Variants in DOCK1 observed in about 807,000 individuals in gnomAD.
The protein encoded by DOCK1 is dedicator of cytokinesis 1.
DOCK1 carries 138 observed loss-of-function variants against 262.7 expected under a neutral mutation model. That is an observed-to-expected ratio of 0.53 (90% CI 0.46 to 0.61). The LOEUF (loss-of-function observed/expected upper bound fraction) is 0.61, where lower values mean the gene tolerates loss of function less well. Ranked by LOEUF, DOCK1 falls within the 20% of genes least tolerant of loss-of-function variation. The probability of loss-of-function intolerance (pLI) is 0.00; values close to 1 mark genes in which losing one functional copy is unlikely to be tolerated. For synonymous variants in DOCK1, 866 were observed against 867.4 expected, an observed-to-expected ratio of 1.00 and a Z score of 0.03; for missense variants, 1,908 against 2,370.7, an observed-to-expected ratio of 0.80 and a Z score of 4.05.
chr10:126,981,694 C>T (rs10741150), intron 3 of DOCK1, among the ~76,000 whole-genome samples: 61,104 of 152,066 alleles, frequency 0.4, 12,692 homozygotes, highest in East Asian at 0.56. Context: ...TTTTCCTTTG[C>T]AAGTGTGTTG....
chr10:127,390,171 C>A (rs1055678577), intron 38 of DOCK1, among the ~76,000 whole-genome samples: 4 of 152,086 alleles, frequency 2.6e-5, no homozygotes, highest in African/African-American at 9.7e-5. Flanking sequence ...GCTGATTAAA[C>A]CTCTTTTCTT....
In DOCK1 at chr10:127,130,427, G is replaced by A. The variant is rs900973355; in HGVS notation, c.2847+2663G>A. On this transcript the variant is annotated intron_variant, in intron 27 of 51. Transcript: ENST00000623213. Reference sequence around the variant, plus strand: ...TGCTAGGTGTGTGTTCACTTGACTTGTAGCCCACTGGTCAACAGTTAAACT... The same window carrying A: ...TGCTAGGTGTGTGTTCACTTGACTTATAGCCCACTGGTCAACAGTTAAACT... Among the ~76,000 whole-genome samples, 3 of 152,206 alleles carry A rather than the reference G, an allele frequency of 2.0e-5. No homozygotes were observed. In the East Asian group the frequency reaches 5.8e-4, roughly 30 times the overall value.
intron 18 of DOCK1, among the ~76,000 whole-genome samples, chr10:127,033,564 A>T (rs1455700712): frequency 6.6e-6 from 1 of 151,808 alleles, no homozygotes; most frequent in Non-Finnish European, 1.5e-5. Flanking sequence ...TGAAAATCCA[A>T]TTTTTTCCTC....
chr10:127,384,366 C>A (rs2065987495), intron 37 of DOCK1, among the ~76,000 whole-genome samples: 1 of 152,190 alleles, frequency 6.6e-6, no homozygotes, highest in Non-Finnish European at 1.5e-5. Flanking sequence ...CCTTTCTAGT[C>A]CCTTTCTGGG....
chr10:127,429,058 T>TGTGGATTGGGGTACC (rs2069094461), intron 47 of DOCK1, among the ~76,000 whole-genome samples: 7 of 87,712 alleles, frequency 8.0e-5, no homozygotes, highest in Admixed American at 1.5e-4. Context: ...ATTGGGGTGC[T>TGTGGATTGGGGTACC]GTGTGGATTG....
At chr10:127,099,915 C>T (rs2048135843) in intron 23 of DOCK1, among the ~76,000 whole-genome samples, 1 of 152,128 alleles carries the variant, frequency 6.6e-6, no homozygotes, top group African/African-American at 2.4e-5. Flanking sequence ...GGTGGGGCGG[C>T]AGAGCAGTGA....
chr10:126,948,952 C>T (rs1025088788), intron 1 of DOCK1, among the ~76,000 whole-genome samples: 1 of 152,130 alleles, frequency 6.6e-6, no homozygotes, highest in Non-Finnish European at 1.5e-5. Context: ...GCAAGCTGGG[C>T]TTTCAGAATC....
In DOCK1 at chr10:127,031,711, T is replaced by C; in HGVS notation, c.1686T>C (p.Gly562=). 1.9e-6 allele frequency: 3 copies of C among 1,613,502 alleles called. No individual in the cohort carries two copies. Among genetic ancestry groups the C allele is most frequent in the Non-Finnish European group, 2.5e-6 (3 of 1,179,850 alleles). The change falls in exon 17 of 52, where the codon GGT becomes GGC. Residue 562 remains glycine, a synonymous_variant. Coordinates refer to ENST00000623213, the MANE Select transcript of DOCK1 (RefSeq NM_001290223.2). ...TTGTCAAGCTGATGAGATACGATGG[T>C]ACCACCCTGCGAGACGGAGAGCACG... The part of the protein sequence containing the change: ...LAFVKLMRYD[G]TTLRDGEHDL...
At chr10:126,976,106 A>C (rs1273505881) in intron 2 of DOCK1, among the ~76,000 whole-genome samples, 2 of 152,196 alleles carry the variant, frequency 1.3e-5, no homozygotes, top group East Asian at 3.9e-4. Flanking sequence ...TAACTCATTC[A>C]ACTGACCTTT....
intron 21 of DOCK1, among the ~76,000 whole-genome samples, chr10:127,050,902 T>G (rs2044682414): frequency 6.6e-6 from 1 of 152,122 alleles, no homozygotes. Flanking sequence ...TCATTTGAAC[T>G]TTCTTGTTAT....
chr10:127,431,520 C>G (rs1349346129), intron 47 of DOCK1, among the ~76,000 whole-genome samples: 1 of 152,206 alleles, frequency 6.6e-6, no homozygotes, highest in African/African-American at 2.4e-5. Context: ...GCAACCATTT[C>G]CCTTTTAGTT....
chr10:127,142,230 G>C (rs1172386899), intron 27 of DOCK1, among the ~76,000 whole-genome samples: 4 of 152,206 alleles, frequency 2.6e-5, no homozygotes, highest in African/African-American at 9.6e-5. Context: ...CAGTGCAGGG[G>C]CTCATTCTAC....
At chr10:127,409,259 C>T in intron 41 of DOCK1, 54 bp from the exon 42 acceptor site, 1 of 1,612,420 alleles carries the variant, frequency 6.2e-7, no homozygotes, top group Non-Finnish European at 8.5e-7. Context: ...TGGGGGGCCT[C>T]TCTCATGGTT....
chr10:127,207,343 G>C (rs1188095982), intron 27 of DOCK1, among the ~76,000 whole-genome samples: 1 of 152,194 alleles, frequency 6.6e-6, no homozygotes, highest in Non-Finnish European at 1.5e-5. Flanking sequence ...ATCTTATGTA[G>C]AAAGCTTACA....
At chr10:127,009,897 C>T (rs1591632706) in intron 11 of DOCK1, among the ~76,000 whole-genome samples, 2 of 152,088 alleles carry the variant, frequency 1.3e-5, no homozygotes, top group South Asian at 2.1e-4. Context: ...GTCTTGAGTG[C>T]CACTGGCTAA....
chr10:127,254,015 A>T (rs1336362194), intron 28 of DOCK1, among the ~76,000 whole-genome samples: 1 of 152,100 alleles, frequency 6.6e-6, no homozygotes, highest in Non-Finnish European at 1.5e-5. Flanking sequence ...AGTGAGAGAC[A>T]GGGATGCACC....
At chr10:127,065,307 G>A (rs1362788314) in intron 23 of DOCK1, among the ~76,000 whole-genome samples, 3 of 152,180 alleles carry the variant, frequency 2.0e-5, no homozygotes, top group African/African-American at 7.2e-5. Flanking sequence ...CACTGTGCCC[G>A]GCCGTGTTTG....
chr10:127,168,554 A>G (rs1305247804), intron 27 of DOCK1, among the ~76,000 whole-genome samples: 2 of 152,228 alleles, frequency 1.3e-5, no homozygotes, highest in Admixed American at 1.3e-4. Context: ...GAGGCTGTTG[A>G]GAGACTGTCT....
At chr10:127,348,972 T>C (rs942638001) in intron 31 of DOCK1, among the ~76,000 whole-genome samples, 2 of 152,178 alleles carry the variant, frequency 1.3e-5, no homozygotes, top group African/African-American at 2.4e-5. Context: ...ATTCACTTAT[T>C]AGAAGGAGAC....
Sources: allele counts gnomAD v4.1 joint callset (sites outside exome capture counted in the v4.1 genomes callset), GRCh38; gene constraint gnomAD v4.1.1; transcripts MANE v1.5; gene names NCBI Gene and HGNC (gene_info 2026-07-23, HGNC 2026-07-21).